Variants in GPHN observed in about 807,000 individuals in gnomAD.
GPHN encodes the protein gephyrin.
Under a neutral mutation model 95.5 loss-of-function variants are expected in GPHN, and 17 were observed. That is an observed-to-expected ratio of 0.18 (90% CI 0.12 to 0.27). GPHN has a LOEUF of 0.27. Among genes scored for constraint, GPHN ranks in the 10% least tolerant of loss-of-function variants. The pLI, the probability that GPHN is intolerant of heterozygous loss-of-function variation, is 1.00. For missense variants in GPHN, 660 were observed against 978.1 expected, an observed-to-expected ratio of 0.67 and a Z score of 4.34; for synonymous variants, 320 against 322.5, an observed-to-expected ratio of 0.99 and a Z score of 0.08.
At chr14:67,571,918 G>A in the GPHN span, 1 of 1,595,658 alleles carries the variant, frequency 6.3e-7, no homozygotes, top group African/African-American at 1.3e-5. Context: ...GAGAAGGGGA[G>A]CAGGGGCAGG....
chr14:67,342,108 C>T, the GPHN span, among the ~76,000 whole-genome samples: 1 of 151,798 alleles, frequency 6.6e-6, no homozygotes, highest in Non-Finnish European at 1.5e-5. Context: ...TGTTTATCTG[C>T]TGACCTTCCC....
At position 66,936,248 on chromosome 14, in the gene GPHN, G is replaced by A. The variant is rs564334655; in HGVS notation, c.828+11956G>A. Among the ~76,000 whole-genome samples, 58 of 151,636 alleles carry A rather than the reference G, an allele frequency of 3.8e-4. 1 individual carries two copies. The South Asian group carries it at 9.2e-3, about 24-fold the overall frequency. ...ACAAAAATTAGCCAGGCGTGGTGGC[G>A]GGCACCTGTAATCCCAGCTACTCGG... is the stretch of plus-strand genomic sequence containing the variant. On this transcript the variant is annotated intron_variant, in intron 8 of 22. Transcript: ENST00000478722.
chr14:66,759,387 CCTT>C (rs1323226262), intron 2 of GPHN, among the ~76,000 whole-genome samples: 1 of 152,234 alleles, frequency 6.6e-6, no homozygotes. Context: ...GAAGGCATAA[CCTT>C]CTACTCAAAG....
chr14:67,226,202 A>AT, the GPHN span, among the ~76,000 whole-genome samples: 2,919 of 151,854 alleles, frequency 0.019, 38 homozygotes, highest in Middle Eastern at 0.034. Context: ...TTTTATTTTT[A>AT]TTTTTTTGAG....
chr14:66,550,217 A>G (rs1408584953), intron 1 of GPHN, among the ~76,000 whole-genome samples: 2 of 152,246 alleles, frequency 1.3e-5, no homozygotes, highest in African/African-American at 4.8e-5. Flanking sequence ...GGAATTCAGC[A>G]TTCTTGATAC....
chr14:66,584,227 A>T (rs1399675877), intron 1 of GPHN, among the ~76,000 whole-genome samples: 1 of 152,102 alleles, frequency 6.6e-6, no homozygotes, highest in Non-Finnish European at 1.5e-5. Context: ...GATTTTTTGC[A>T]CATTGAGTTT....
the GPHN span, among the ~76,000 whole-genome samples, chr14:67,190,416 G>A: frequency 1.3e-5 from 2 of 150,190 alleles, no homozygotes; most frequent in African/African-American, 2.5e-5. Context: ...TAGAGACAGG[G>A]TTTCGCCATT....
chr14:67,006,255 C>T (rs2072600314), intron 9 of GPHN, among the ~76,000 whole-genome samples: 1 of 151,980 alleles, frequency 6.6e-6, no homozygotes, highest in Non-Finnish European at 1.5e-5. Flanking sequence ...TTTTTATAGC[C>T]ATAGTTTTCA....
the GPHN span, among the ~76,000 whole-genome samples, chr14:67,680,290 G>C: frequency 1.4e-4 from 22 of 152,314 alleles, no homozygotes; most frequent in South Asian, 3.3e-3. Context: ...AAGATCATCA[G>C]TGAGAACCAC....
At chr14:66,972,258 A>G (rs1402655439) in intron 9 of GPHN, among the ~76,000 whole-genome samples, 2 of 141,624 alleles carry the variant, frequency 1.4e-5, no homozygotes, top group Non-Finnish European at 3.0e-5. Context: ...AAAGAGCAAG[A>G]GTCTGTCTCA....
At chr14:67,645,559 T>TA in the GPHN span, 1 of 1,480,902 alleles carries the variant, frequency 6.8e-7, no homozygotes, top group East Asian at 2.3e-5. Context: ...GTGGAGAGAG[T>TA]ATAAGTTGTT....
intron 16 of GPHN, among the ~76,000 whole-genome samples, chr14:67,117,037 T>C (rs969156995): frequency 2.0e-5 from 3 of 152,212 alleles, no homozygotes; most frequent in African/African-American, 7.2e-5. Flanking sequence ...GAATTGAGTT[T>C]TGATCAATTA....
rs183472020 is a variant in GPHN at position 67,070,274 on chromosome 14, G to A, written c.1144+11488G>A. ...CTCAATATATTTTTGTGACATATAT[G>A]TGTGTATATATATGTTTGTGTGTGT... On this transcript the variant is annotated intron_variant, in intron 11 of 22. Coordinates refer to ENST00000478722, the MANE Select transcript of GPHN (RefSeq NM_020806.5). 3.5e-3 allele frequency among the ~76,000 whole-genome samples: 529 copies of A among 149,762 alleles called. 1 individual carries two copies. Among genetic ancestry groups the A allele is most frequent in the African/African-American group, 0.012 (493 of 40,740 alleles).
At chr14:67,672,934 C>T in the GPHN span, among the ~76,000 whole-genome samples, 3 of 152,224 alleles carry the variant, frequency 2.0e-5, no homozygotes, top group South Asian at 2.1e-4. Context: ...TCCTGCTCTT[C>T]GCTGAACACA....
At chr14:67,065,831 C>T (rs1370138223) in intron 11 of GPHN, among the ~76,000 whole-genome samples, 1 of 141,730 alleles carries the variant, frequency 7.1e-6, no homozygotes, top group Non-Finnish European at 1.5e-5. Flanking sequence ...CTATGTGTGT[C>T]TTTGCACAGA....
At chr14:67,596,599 C>T in the GPHN span, among the ~76,000 whole-genome samples, 13 of 152,098 alleles carry the variant, frequency 8.5e-5, no homozygotes, top group African/African-American at 2.9e-4. Flanking sequence ...AGTCAGGTTC[C>T]TCTAAGCTGT....
Position 67,010,845 on chromosome 14 carries a change from G to A in GPHN, c.964-12788G>A, listed in dbSNP as rs116549853. ...AATGGTGCAACTGTCTAGGACAGTG[G>A]TTAGAATTTAATAGCATTCTCAGTT... On this transcript the variant is annotated intron_variant, in intron 9 of 22. Coordinates refer to ENST00000478722, the MANE Select transcript of GPHN (RefSeq NM_020806.5). 3.0e-3 allele frequency among the ~76,000 whole-genome samples: 456 copies of A among 152,210 alleles called. 3 individuals are homozygous for A. Among genetic ancestry groups the A allele is most frequent in the African/African-American group, 0.011 (438 of 41,534 alleles).
At chr14:67,143,621 T>G (rs944924320) in intron 18 of GPHN, among the ~76,000 whole-genome samples, 172 bp downstream of exon 18, 5 of 152,134 alleles carry the variant, frequency 3.3e-5, no homozygotes, top group Non-Finnish European at 5.9e-5. Context: ...TGTGGGTAGG[T>G]CAGGGAGCTT....
the GPHN span, chr14:67,340,331 C>T: frequency 2.2e-6 from 2 of 897,720 alleles, no homozygotes; most frequent in South Asian, 1.5e-5. Flanking sequence ...CAGAATAAAA[C>T]ATAAGCTGTG....
Sources: allele counts gnomAD v4.1 joint callset (sites outside exome capture counted in the v4.1 genomes callset), GRCh38; gene constraint gnomAD v4.1.1; transcripts MANE v1.5; gene names NCBI Gene and HGNC (gene_info 2026-07-23, HGNC 2026-07-21).